Variants in RP1 observed in about 807,000 individuals in gnomAD.
RP1 encodes the protein RP1 axonemal microtubule associated.
Under a neutral mutation model 14.8 loss-of-function variants are expected in RP1, and 16 were observed. The observed-to-expected ratio is 1.08, with a 90% CI of 0.73 to 1.65. The LOEUF is 1.65. RP1 is among the 40% of genes most tolerant of loss of function. The pLI is 0.00. For missense variants in RP1, 2,631 were observed against 2,535.0 expected (o/e 1.04, Z -0.81); for synonymous variants, 876 against 883.6 (o/e 0.99, Z 0.15).
chr8:54,595,230 C>T (rs914939290), intron 1 of RP1, among the ~76,000 whole-genome samples: 12 of 151,588 alleles, frequency 7.9e-5, no homozygotes, highest in African/African-American at 2.7e-4. Context: ...CCCAGGTTCA[C>T]GCCATTCTCC....
chr8:54,588,038 G>T (rs28495393), intron 1 of RP1, among the ~76,000 whole-genome samples: 11,957 of 152,124 alleles, frequency 0.079, 1,498 homozygotes, highest in African/African-American at 0.26. Context: ...TGCTATTTTT[G>T]AATTACAGCA....
intron 3 of RP1, among the ~76,000 whole-genome samples, chr8:54,623,855 C>T (rs1805949367): frequency 6.6e-6 from 1 of 152,026 alleles, no homozygotes; most frequent in African/African-American, 2.4e-5. Context: ...AGATGAATAC[C>T]ATCATAAATT....
chr8:54,678,461 G>A (rs2129334771), exon 9 of RP1: 1 of 1,532,766 alleles, frequency 6.5e-7, no homozygotes, highest in African/African-American at 1.4e-5. Context: ...TTGTGTTTAG[G>A]AAATGGTTGG....
At chr8:54,606,452 C>T (rs1404899907) in intron 1 of RP1, among the ~76,000 whole-genome samples, 1 of 151,996 alleles carries the variant, frequency 6.6e-6, no homozygotes, top group Admixed American at 6.5e-5. Context: ...GTAACCCGAC[C>T]TTTCTCTCTG....
At chr8:54,632,510 G>A (rs1231254513), downstream of RP1, among the ~76,000 whole-genome samples, 2 of 152,160 alleles carry the variant, frequency 1.3e-5, no homozygotes, top group Non-Finnish European at 2.9e-5. Context: ...AGCTAGCTTC[G>A]TACTTGGTAC....
At chr8:54,824,873 A>G (rs911430877) in intron 24 of RP1, among the ~76,000 whole-genome samples, 1 of 152,216 alleles carries the variant, frequency 6.6e-6, no homozygotes, top group Non-Finnish European at 1.5e-5. Context: ...CCCATTCATA[A>G]TTTTTAAAAC....
intron 12 of RP1, among the ~76,000 whole-genome samples, chr8:54,698,014 G>A (rs371289347): frequency 6.6e-5 from 10 of 151,972 alleles, no homozygotes; most frequent in African/African-American, 2.2e-4. Context: ...CCAATAGCAA[G>A]GGCAACAAAA....
chr8:54,703,253 T>A (rs1339210791), intron 14 of RP1, among the ~76,000 whole-genome samples: 4 of 152,196 alleles, frequency 2.6e-5, no homozygotes, highest in Admixed American at 1.3e-4. Flanking sequence ...ATTTCTTAAA[T>A]AATAAGGCTT....
At chr8:54,647,115 A>AT (rs927149884) in intron 3 of RP1, among the ~76,000 whole-genome samples, 3 of 152,094 alleles carry the variant, frequency 2.0e-5, no homozygotes, top group Non-Finnish European at 4.4e-5. Context: ...TTTTAAGTAG[A>AT]TTTTTTACAA....
chr8:54,823,402 G>T (rs1811305246), intron 24 of RP1, among the ~76,000 whole-genome samples: 1 of 151,976 alleles, frequency 6.6e-6, no homozygotes, highest in African/African-American at 2.4e-5. Context: ...GCCACCTTGG[G>T]TCACTGCAAC....
intron 1 of RP1, among the ~76,000 whole-genome samples, chr8:54,610,600 AC>A (rs1391539838): frequency 2.6e-5 from 4 of 152,100 alleles, no homozygotes; most frequent in African/African-American, 9.7e-5. Flanking sequence ...CACTCTCTTG[AC>A]TGGTACTTCT....
intron 24 of RP1, among the ~76,000 whole-genome samples, chr8:54,793,575 A>G (rs1810518077): frequency 6.6e-6 from 1 of 151,984 alleles, no homozygotes; most frequent in Admixed American, 6.6e-5. Flanking sequence ...AAGGATAAAA[A>G]TAATGTGATC....
At position 54,624,680 on chromosome 8, in the gene RP1, T is replaced by G; in HGVS notation, c.798T>G (p.His266Gln). Residue 266 changes from histidine (H) to glutamine (Q), a missense_variant, in exon 4 of 4, where the codon CAT becomes CAG. Physicochemically the swap from His to Gln is conservative, Grantham distance 24. Transcript: ENST00000220676. ...AKSESRKIST[H>Q]MSSSSRSQIY... ...TTAAAATCTTTAAAGTAAGCACACATATGTCTTCAAGCTCAAGGTCCCAGA... is the reference window on the plus strand; with the variant it reads ...TTAAAATCTTTAAAGTAAGCACACAGATGTCTTCAAGCTCAAGGTCCCAGA... 3 of 1,613,890 alleles carry G rather than the reference T, an allele frequency of 1.9e-6. No individual in the cohort carries two copies. The highest frequency in any genetic ancestry group is 2.5e-6 in the Non-Finnish European group (3 of 1,179,926).
At chr8:54,835,764 T>C (rs1276113941) in intron 24 of RP1, among the ~76,000 whole-genome samples, 1 of 152,164 alleles carries the variant, frequency 6.6e-6, no homozygotes, top group Admixed American at 6.5e-5. Flanking sequence ...CTCAGGTCTG[T>C]CTGATATCAA....
chr8:54,818,940 C>T (rs1376885584), intron 24 of RP1, among the ~76,000 whole-genome samples: 2 of 151,970 alleles, frequency 1.3e-5, no homozygotes, highest in Non-Finnish European at 2.9e-5. Flanking sequence ...GAATGCATTG[C>T]TTACAGTGCC....
intron 24 of RP1, among the ~76,000 whole-genome samples, chr8:54,820,987 C>T (rs1811242702): frequency 6.6e-6 from 1 of 152,022 alleles, no homozygotes; most frequent in South Asian, 2.1e-4. Flanking sequence ...CTGGAGATGG[C>T]TTAGAAACAA....
chr8:54,739,068 C>T, intron 19 of RP1: 1 of 1,409,214 alleles, frequency 7.1e-7, no homozygotes, highest in Non-Finnish European at 9.5e-7. Flanking sequence ...TAGTTATTCT[C>T]TGATGAAAAG....
chr8:54,624,550 C>T (rs1805973016), intron 3 of RP1, 120 bp from the exon 4 acceptor site: 2 of 873,628 alleles, frequency 2.3e-6, no homozygotes, highest in African/African-American at 1.7e-5. Context: ...ACTTTTCATA[C>T]TAATCATTTC....
At chr8:54,594,396 G>A (rs970655281) in intron 1 of RP1, among the ~76,000 whole-genome samples, 1 of 152,356 alleles carries the variant, frequency 6.6e-6, no homozygotes, top group Non-Finnish European at 1.5e-5. Context: ...GATCTGGCAG[G>A]CACTGGTCTA....
Sources: allele counts gnomAD v4.1 joint callset (sites outside exome capture counted in the v4.1 genomes callset), GRCh38; gene constraint gnomAD v4.1.1; transcripts MANE v1.5; gene names NCBI Gene and HGNC (gene_info 2026-07-23, HGNC 2026-07-21).